Variants in SH3GL3 observed in about 807,000 individuals in gnomAD.
The protein encoded by SH3GL3 is SH3 domain containing GRB2 like 3, endophilin A3.
SH3GL3 carries 33 observed loss-of-function variants against 47.7 expected under a neutral mutation model. The observed-to-expected ratio is 0.69, with a 90% CI of 0.52 to 0.92. The LOEUF (loss-of-function observed/expected upper bound fraction) is 0.92, where lower values mean the gene tolerates loss of function less well. SH3GL3 is among the 40% of genes least tolerant of loss of function. The pLI is 0.00. For missense variants in SH3GL3, 363 were observed against 417.8 expected, an observed-to-expected ratio of 0.87 and a Z score of 1.14; for synonymous variants, 155 against 148.8, an observed-to-expected ratio of 1.04 and a Z score of -0.30.
Position 83,511,604 on chromosome 15 carries a change from T to TTAC in SH3GL3, c.46-47639_46-47637dup, listed in dbSNP as rs745372609. On this transcript the variant is annotated intron_variant, in intron 1 of 8. Transcript: ENST00000427482. ...TATACGGTAATAATAATAATCACTA[T>TTAC]TACTACTACTACGGGTATTTACTGC... Among the ~76,000 whole-genome samples the TTAC allele has an allele frequency of 2.1e-3, 318 of 152,270 alleles. 1 individual carries two copies. Among genetic ancestry groups the TTAC allele is most frequent in the Admixed American group, 3.9e-3 (59 of 15,290 alleles).
intron 5 of SH3GL3, among the ~76,000 whole-genome samples, chr15:83,576,201 A>G (rs2059671806): frequency 6.6e-6 from 1 of 152,200 alleles, no homozygotes; most frequent in African/African-American, 2.4e-5. Context: ...GTACCAAAAG[A>G]AATGTTCCTA....
At chr15:83,582,644 A>G (rs2059860335) in intron 6 of SH3GL3, among the ~76,000 whole-genome samples, 1 of 152,154 alleles carries the variant, frequency 6.6e-6, no homozygotes, top group South Asian at 2.1e-4. Flanking sequence ...ACATTATTAT[A>G]TTATTACTAA....
chr15:83,510,694 G>A (rs1794521945), intron 1 of SH3GL3, among the ~76,000 whole-genome samples: 1 of 152,078 alleles, frequency 6.6e-6, no homozygotes, highest in Non-Finnish European at 1.5e-5. Context: ...AGAGGCATGT[G>A]TGAGTGTATT....
intron 3 of SH3GL3, among the ~76,000 whole-genome samples, chr15:83,566,133 A>T (rs1240638216): frequency 6.6e-6 from 1 of 152,188 alleles, no homozygotes; most frequent in Non-Finnish European, 1.5e-5. Flanking sequence ...GCTGGAGTAC[A>T]CTATGAAATC....
At chr15:83,456,430 A>G (rs2039968850) in intron 1 of SH3GL3, among the ~76,000 whole-genome samples, 1 of 57,788 alleles carries the variant, frequency 1.7e-5, no homozygotes, top group South Asian at 9.0e-4. Flanking sequence ...TTGCAGTTTG[A>G]TCTCAGACTG....
At chr15:83,608,063 A>C (rs1205571694) in intron 8 of SH3GL3, among the ~76,000 whole-genome samples, 3 of 152,132 alleles carry the variant, frequency 2.0e-5, no homozygotes, top group Non-Finnish European at 2.9e-5. Context: ...TTTATTAGTT[A>C]AACCCATCTA....
chr15:83,505,159 CTA>C (rs1410216011), intron 1 of SH3GL3, among the ~76,000 whole-genome samples: 6 of 152,096 alleles, frequency 3.9e-5, no homozygotes, highest in Admixed American at 3.9e-4. Context: ...GGGTTTGAGA[CTA>C]TTATGAAAAC....
chr15:83,531,260 A>C (rs2043656856), intron 1 of SH3GL3, among the ~76,000 whole-genome samples: 1 of 152,242 alleles, frequency 6.6e-6, no homozygotes, highest in East Asian at 1.9e-4. Context: ...CACTGTGGGA[A>C]GCACATCAAT....
chr15:83,526,981 A>T (rs554431612), intron 1 of SH3GL3, among the ~76,000 whole-genome samples: 1 of 152,222 alleles, frequency 6.6e-6, no homozygotes, highest in Non-Finnish European at 1.5e-5. Context: ...ACTATTGTAA[A>T]TGGGATTGCC....
At chr15:83,500,139 C>T (rs1325518027) in intron 1 of SH3GL3, among the ~76,000 whole-genome samples, 1 of 152,156 alleles carries the variant, frequency 6.6e-6, no homozygotes, top group Admixed American at 6.5e-5. Context: ...AGGCCCTAAT[C>T]TCCAGTCAGT....
At chr15:83,557,526 T>C (rs921201722) in intron 1 of SH3GL3, among the ~76,000 whole-genome samples, 5 of 152,222 alleles carry the variant, frequency 3.3e-5, no homozygotes, top group African/African-American at 9.6e-5. Context: ...ATACCGTTTA[T>C]TGGACTCCTG....
chr15:83,579,493 C>T (rs944800176), intron 6 of SH3GL3, among the ~76,000 whole-genome samples: 2 of 152,176 alleles, frequency 1.3e-5, no homozygotes, highest in Non-Finnish European at 2.9e-5. Flanking sequence ...GGGAACTAGG[C>T]TCTTCCCTCC....
At chr15:83,512,956 A>G (rs1417578354) in intron 1 of SH3GL3, among the ~76,000 whole-genome samples, 10 of 152,224 alleles carry the variant, frequency 6.6e-5, no homozygotes, top group Admixed American at 5.9e-4. Context: ...CCATTTGAAA[A>G]TAATCTTTTG....
chr15:83,510,246 G>A (rs962917775), intron 1 of SH3GL3, among the ~76,000 whole-genome samples: 8 of 152,136 alleles, frequency 5.3e-5, no homozygotes, highest in African/African-American at 1.9e-4. Context: ...GCTTCATGTA[G>A]ATACAATAGA....
chr15:83,579,040 G>A (rs2059761231), intron 6 of SH3GL3, among the ~76,000 whole-genome samples: 1 of 152,150 alleles, frequency 6.6e-6, no homozygotes, highest in African/African-American at 2.4e-5. Flanking sequence ...GAGCCACGCC[G>A]GCCTTAGCAG....
In SH3GL3 at chr15:83,616,791, CAGGG is replaced by C. The variant is rs1189350469; in HGVS notation, c.839-1284_839-1281del. Among the ~76,000 whole-genome samples, 6 of 149,668 alleles carry C rather than the reference CAGGG, an allele frequency of 4.0e-5. 1 individual carries two copies. The South Asian group carries it at 1.3e-3, about 32-fold the overall frequency. On this transcript the variant is annotated intron_variant, in intron 8 of 8. Transcript: ENST00000427482. ...AAAAAGGAAGAGAAATCGAGAAAAA[CAGGG>C]AGGGAGAAGGAAGAAAAGAATGAAG...
intron 1 of SH3GL3, among the ~76,000 whole-genome samples, chr15:83,488,810 A>G (rs1214098994): frequency 1.3e-5 from 2 of 152,174 alleles, no homozygotes; most frequent in Admixed American, 6.5e-5. Context: ...TCAGTAGAAG[A>G]TCCTTCTGAT....
At chr15:83,626,532 T>A in the SH3GL3 span, among the ~76,000 whole-genome samples, 1 of 152,210 alleles carries the variant, frequency 6.6e-6, no homozygotes, top group African/African-American at 2.4e-5. Context: ...CATTTTCCAG[T>A]ATTGGCTTCT....
chr15:83,509,275 G>A (rs2042646497), intron 1 of SH3GL3, among the ~76,000 whole-genome samples: 1 of 152,234 alleles, frequency 6.6e-6, no homozygotes, highest in Non-Finnish European at 1.5e-5. Context: ...CACGGAGTGA[G>A]GGCAGAATCT....
Sources: gnomAD v4.1 joint callset for allele counts (sites outside exome capture counted in the v4.1 genomes callset) on GRCh38, gnomAD v4.1.1 for gene constraint, MANE v1.5 for transcripts, NCBI Gene and HGNC (gene_info 2026-07-23, HGNC 2026-07-21) for gene names.